STK32C: variants seen among roughly 807,000 people sequenced by gnomAD.
STK32C encodes serine/threonine kinase 32C.
Under a neutral mutation model 56.5 loss-of-function variants are expected in STK32C, and 31 were observed. The ratio of observed to expected loss-of-function variants is 0.55; its 90% CI spans 0.41 to 0.74. STK32C has a LOEUF of 0.74. Among genes scored for constraint, STK32C ranks in the 30% least tolerant of loss-of-function variants. The probability of loss-of-function intolerance (pLI) is 0.00; values close to 1 mark genes in which losing one functional copy is unlikely to be tolerated. For missense variants in STK32C, 544 were observed against 676.9 expected (o/e 0.80, Z 2.18); for synonymous variants, 309 against 289.4 (o/e 1.07, Z -0.69).
intron 1 of STK32C, among the ~76,000 whole-genome samples, chr10:132,285,261 T>G (rs1376120134): frequency 6.6e-6 from 1 of 152,114 alleles, no homozygotes; most frequent in Non-Finnish European, 1.5e-5. Context: ...CACAAAGAGC[T>G]CAACGTCCCC....
chr10:132,266,861 G>C (rs1291381010), intron 1 of STK32C, among the ~76,000 whole-genome samples: 1 of 152,016 alleles, frequency 6.6e-6, no homozygotes, highest in Non-Finnish European at 1.5e-5. Context: ...GGGGCAGCTC[G>C]AGGTCAGAAC....
chr10:132,295,483 T>C (rs1164072760), intron 1 of STK32C, among the ~76,000 whole-genome samples: 1 of 152,136 alleles, frequency 6.6e-6, no homozygotes, highest in East Asian at 1.9e-4. Context: ...GACCAAGAAA[T>C]TAAAGCAGTG....
At chr10:132,313,247 T>C (rs1258526161) in intron 1 of STK32C, among the ~76,000 whole-genome samples, 1 of 152,158 alleles carries the variant, frequency 6.6e-6, no homozygotes, top group Non-Finnish European at 1.5e-5. Context: ...CCTAAGGCCA[T>C]GCCGAGTGAC....
intron 1 of STK32C, among the ~76,000 whole-genome samples, chr10:132,272,277 T>C (rs1409163124): frequency 6.6e-6 from 1 of 152,226 alleles, no homozygotes; most frequent in Non-Finnish European, 1.5e-5. Flanking sequence ...GTGAGGACGC[T>C]GCCCACGAGC....
chr10:132,227,510 T>G (rs898352553), intron 3 of STK32C, among the ~76,000 whole-genome samples: 1 of 151,952 alleles, frequency 6.6e-6, no homozygotes, highest in South Asian at 2.1e-4. Context: ...GTGGTCGTGG[T>G]GGTGGTGGTA....
intron 1 of STK32C, among the ~76,000 whole-genome samples, chr10:132,252,541 C>T (rs1014295733): frequency 6.6e-6 from 1 of 152,220 alleles, no homozygotes; most frequent in Non-Finnish European, 1.5e-5. Context: ...ACGCAGCTCC[C>T]CACAATCCCA....
intron 10 of STK32C, among the ~76,000 whole-genome samples, chr10:132,210,089 AC>A (rs554064792): frequency 6.6e-6 from 1 of 151,704 alleles, no homozygotes; most frequent in Non-Finnish European, 1.5e-5. Context: ...TTACGGGACC[AC>A]CCCCCCATGC....
chr10:132,208,004 C>T lies in STK32C; in HGVS notation c.*6G>A. 7.7e-7 allele frequency: 1 copy of T among 1,305,370 alleles called. No individual in the cohort carries two copies. Among genetic ancestry groups the T allele is most frequent in the African/African-American group, 1.5e-5 (1 of 66,418 alleles). The allele number at this position is 1,305,370 out of a possible 1,614,324, so 80.9% of individuals were successfully genotyped here. ...CTCAAGGGGTGAGGACCACGGGCGT[C>T]CCGGCCTAGCCGCTCCCGGCCGAGG... On this transcript the variant is annotated 3_prime_UTR_variant, in exon 12 of 12. Transcript: ENST00000298630.
chr10:132,227,429 G>A (rs1455548510), intron 3 of STK32C, among the ~76,000 whole-genome samples: 1 of 152,358 alleles, frequency 6.6e-6, no homozygotes, highest in East Asian at 1.9e-4. Flanking sequence ...TGATGGTGGT[G>A]GTGGTGACGG....
intron 1 of STK32C, among the ~76,000 whole-genome samples, chr10:132,257,629 C>T (rs1478543469): frequency 2.0e-5 from 3 of 151,982 alleles, no homozygotes; most frequent in East Asian, 1.9e-4. Flanking sequence ...CCCCTGCTGC[C>T]GGCCCCCTGC....
intron 11 of STK32C, among the ~76,000 whole-genome samples, 191 bp from the exon 12 acceptor site, chr10:132,208,342 G>A (rs1261447314): frequency 1.3e-5 from 2 of 152,212 alleles, no homozygotes; most frequent in Non-Finnish European, 2.9e-5. Context: ...GTGGGGGCAC[G>A]TGAGCATGCT....
chr10:132,211,067 G>A (rs897091183), intron 10 of STK32C, among the ~76,000 whole-genome samples: 3 of 152,200 alleles, frequency 2.0e-5, no homozygotes, highest in African/African-American at 7.2e-5. Flanking sequence ...TCTCCCTCCA[G>A]GCTTTGCCCT....
intron 4 of STK32C, among the ~76,000 whole-genome samples, chr10:132,226,255 T>C (rs1239362506): frequency 1.3e-5 from 2 of 152,266 alleles, no homozygotes; most frequent in African/African-American, 2.4e-5. Context: ...CTTTAAAATA[T>C]ACCTCACAGA....
chr10:132,316,023 G>A (rs918018929), intron 1 of STK32C, among the ~76,000 whole-genome samples: 11 of 152,098 alleles, frequency 7.2e-5, no homozygotes, highest in African/African-American at 2.7e-4. Context: ...AAATGTATGA[G>A]ATGCAGCTAG....
intron 1 of STK32C, among the ~76,000 whole-genome samples, chr10:132,276,397 C>T (rs968881362): frequency 6.6e-6 from 1 of 152,292 alleles, no homozygotes; most frequent in Non-Finnish European, 1.5e-5. Flanking sequence ...GCCAGCTACA[C>T]GGTGTCTAAA....
Position 132,278,757 on chromosome 10 carries a change from C to CAA in STK32C, c.262+28813_262+28814dup, listed in dbSNP as rs60685458. ...CCTGGGCGACAGAGCGAGACTGTCT[C>CAA]AAAAAAAAAAAAAAAAAAAAATTCA... On this transcript the variant is annotated intron_variant, in intron 1 of 11. Coordinates refer to ENST00000298630, the MANE Select transcript of STK32C (RefSeq NM_173575.4). Among the ~76,000 whole-genome samples, 531 of 90,298 alleles carry CAA rather than the reference C, an allele frequency of 5.9e-3. 5 individuals are homozygous for CAA. Among genetic ancestry groups the CAA allele is most frequent in the African/African-American group, 0.02 (470 of 23,254 alleles). 59.2% of individuals were successfully genotyped at this position (90,298 alleles called of 152,430 possible).
intron 1 of STK32C, chr10:132,306,813 C>T (rs2066080948): frequency 6.6e-6 from 1 of 152,216 alleles, no homozygotes; most frequent in Admixed American, 6.5e-5. Context: ...TTACAGTGCC[C>T]ACAGGCAGAC....
intron 1 of STK32C, among the ~76,000 whole-genome samples, chr10:132,281,933 T>C (rs536004952): frequency 2.6e-5 from 4 of 152,166 alleles, no homozygotes; most frequent in Non-Finnish European, 5.9e-5. Context: ...GACGGGAGCC[T>C]GTTCACAGGG....
At chr10:132,240,069 AG>A (rs1290386044) in intron 2 of STK32C, among the ~76,000 whole-genome samples, 1 of 152,096 alleles carries the variant, frequency 6.6e-6, no homozygotes, top group African/African-American at 2.4e-5. Context: ...GGAGAGCACG[AG>A]GCCCCCCCCA....
Sources: allele counts gnomAD v4.1 joint callset (sites outside exome capture counted in the v4.1 genomes callset), GRCh38; gene constraint gnomAD v4.1.1; transcripts MANE v1.5; gene names NCBI Gene and HGNC (gene_info 2026-07-23, HGNC 2026-07-21).